TXNRD2: variants seen among roughly 807,000 people sequenced by gnomAD.
TXNRD2 encodes the protein thioredoxin reductase 2.
A neutral mutation model predicts 70.8 loss-of-function variants in TXNRD2; 67 were observed. The ratio of observed to expected loss-of-function variants is 0.95; its 90% CI spans 0.78 to 1.16. The LOEUF is 1.16. Ranked by LOEUF, TXNRD2 falls within the 50% of genes most tolerant of loss-of-function variation. TXNRD2 has a pLI of 0.00. For synonymous variants in TXNRD2, 301 were observed against 295.8 expected (o/e 1.02, Z -0.18); for missense variants, 644 against 719.9 (o/e 0.89, Z 1.21).
intron 16 of TXNRD2, among the ~76,000 whole-genome samples, chr22:19,877,506 G>A (rs952767827): frequency 6.6e-6 from 1 of 152,044 alleles, no homozygotes; most frequent in African/African-American, 2.4e-5. Flanking sequence ...CCCCTGCTAG[G>A]CACAGTCCTG....
chr22:19,911,051 G>A (rs1343724902), intron 8 of TXNRD2: 23 of 379,126 alleles, frequency 6.1e-5, no homozygotes, highest in Non-Finnish European at 1.2e-4. Context: ...ATTCAGTTTG[G>A]GGGACAGAGT....
chr22:19,923,490 A>G (rs1940994378), intron 2 of TXNRD2, among the ~76,000 whole-genome samples: 1 of 152,174 alleles, frequency 6.6e-6, no homozygotes, highest in Admixed American at 6.5e-5. Flanking sequence ...TCTGACTTAT[A>G]GAAGTTAACA....
At chr22:19,903,452 A>G (rs1205502443) in intron 8 of TXNRD2, among the ~76,000 whole-genome samples, 1 of 152,152 alleles carries the variant, frequency 6.6e-6, no homozygotes, top group African/African-American at 2.4e-5. Context: ...AGGGCACCTG[A>G]GCTCCAAAAC....
intron 7 of TXNRD2, among the ~76,000 whole-genome samples, chr22:19,913,140 T>G (rs1940489646): frequency 3.4e-5 from 5 of 149,058 alleles, no homozygotes; most frequent in Admixed American, 6.7e-5. Context: ...CCGGGGCCCC[T>G]TCCTCAACTC....
intron 8 of TXNRD2, among the ~76,000 whole-genome samples, chr22:19,904,798 C>T (rs983332127): frequency 4.6e-5 from 7 of 152,156 alleles, no homozygotes; most frequent in Admixed American, 3.9e-4. Context: ...TGCCAGGCAC[C>T]GTGAGTTGCG....
chr22:19,901,552 G>T (rs1293286526), intron 8 of TXNRD2, among the ~76,000 whole-genome samples: 1 of 152,284 alleles, frequency 6.6e-6, no homozygotes, highest in East Asian at 1.9e-4. Context: ...ACGCCTCCCC[G>T]CATTGATCAA....
chr22:19,894,234 C>A (rs1301684222), intron 11 of TXNRD2: 4 of 152,202 alleles, frequency 2.6e-5, no homozygotes, highest in African/African-American at 9.7e-5. Flanking sequence ...TAGAGACACA[C>A]AGTGAAGGGT....
chr22:19,904,573 C>T lies in TXNRD2; in HGVS notation c.663-5505G>A, dbSNP rs568280306. On this transcript the variant is annotated intron_variant, in intron 8 of 17. Transcript: ENST00000400521. ...GTCCCAGGCCCCACTGTGGGCACCA[C>T]TCGCCAGATCTGGAGCTCCCGGCAG... 3.9e-5 allele frequency among the ~76,000 whole-genome samples: 6 copies of T among 152,362 alleles called. No individual in the cohort carries two copies. In the East Asian group the frequency reaches 1.2e-3, roughly 29 times the overall value.
chr22:19,914,659 G>C (rs146722606), intron 7 of TXNRD2, among the ~76,000 whole-genome samples: 131 of 152,200 alleles, frequency 8.6e-4, no homozygotes, highest in African/African-American at 2.9e-3. Flanking sequence ...GCGCTGGGGA[G>C]TAGGGTTTAA....
intron 11 of TXNRD2, among the ~76,000 whole-genome samples, chr22:19,889,705 G>A (rs1939184233): frequency 6.6e-6 from 1 of 151,946 alleles, no homozygotes; most frequent in Non-Finnish European, 1.5e-5. Flanking sequence ...TGAACTCCTG[G>A]GCTCAAATGA....
chr22:19,889,653 A>T (rs1601400387), intron 11 of TXNRD2, among the ~76,000 whole-genome samples: 1 of 141,812 alleles, frequency 7.1e-6, no homozygotes, highest in African/African-American at 3.0e-5. Context: ...ATTATTATTA[A>T]TTATTTGAAA....
At chr22:19,912,166 G>A (rs1940441289) in intron 7 of TXNRD2, among the ~76,000 whole-genome samples, 2 of 152,206 alleles carry the variant, frequency 1.3e-5, no homozygotes, top group African/African-American at 4.8e-5. Flanking sequence ...GAGGCCCAGG[G>A]TGAACGTCCC....
At chr22:19,879,174 G>A (rs1424141765) in intron 14 of TXNRD2, among the ~76,000 whole-genome samples, 1 of 152,210 alleles carries the variant, frequency 6.6e-6, no homozygotes. Context: ...CAAATAAAGT[G>A]CCTCGGGGAA....
intron 2 of TXNRD2, among the ~76,000 whole-genome samples, chr22:19,926,694 T>C (rs1160482672): frequency 2.0e-5 from 3 of 151,450 alleles, no homozygotes; most frequent in Admixed American, 2.0e-4. Context: ...GGTGGGAGAA[T>C]TGCTTGAGCC....
At position 19,919,548 on chromosome 22, in the gene TXNRD2, G is replaced by A. The variant is rs888739263; in HGVS notation, c.224C>T (p.Pro75Leu). The A allele has an allele frequency of 9.6e-6, 15 of 1,560,746 alleles. No individual in the cohort carries two copies. Among genetic ancestry groups the A allele is most frequent in the Non-Finnish European group, 1.0e-5 (12 of 1,153,096 alleles). Residue 75 changes from proline to leucine, a missense_variant, in exon 3 of 18, where the codon CCC becomes CTC. This residue lies in a region of TXNRD2 where 566 missense variants were observed against 645.0 expected (regional missense o/e 0.88). Transcript: ENST00000400521. Reference protein sequence around the residue: ...VAVVDYVEPSPQGTRWGLGGT... With the variant: ...VAVVDYVEPSLQGTRWGLGGT... ...TCCCATAGGGTGCTGCCTACCTTGG[G>A]GAGAAGGTTCCACGTAGTCCACCAC...
chr22:19,931,342 A>T (rs1941354277), intron 1 of TXNRD2, among the ~76,000 whole-genome samples: 1 of 152,186 alleles, frequency 6.6e-6, no homozygotes, highest in South Asian at 2.1e-4. Flanking sequence ...CACCATACCA[A>T]CCACTCTGAA....
chr22:19,924,080 C>T (rs1042179902), intron 2 of TXNRD2, among the ~76,000 whole-genome samples: 7 of 151,844 alleles, frequency 4.6e-5, no homozygotes, highest in Non-Finnish European at 7.4e-5. Context: ...AGCTTGCTTA[C>T]GCCTTGACCT....
intron 2 of TXNRD2, among the ~76,000 whole-genome samples, chr22:19,919,960 A>G (rs62222136): frequency 0.13 from 20,040 of 151,818 alleles, 1,423 homozygotes; most frequent in Non-Finnish European, 0.15. Context: ...GTTCACGTTC[A>G]CCATAAGCCC....
At chr22:19,927,053 GA>G (rs1203222436) in intron 2 of TXNRD2, among the ~76,000 whole-genome samples, 1 of 152,066 alleles carries the variant, frequency 6.6e-6, no homozygotes, top group African/African-American at 2.4e-5. Context: ...CAACACTTTG[GA>G]AGGCCAAGGT....
Sources: allele counts gnomAD v4.1 joint callset (sites outside exome capture counted in the v4.1 genomes callset), GRCh38; gene constraint gnomAD v4.1.1; regional missense constraint gnomAD v4.1.1; transcripts MANE v1.5; gene names NCBI Gene and HGNC (gene_info 2026-07-23, HGNC 2026-07-21).